CCDC191: variants seen among roughly 807,000 people sequenced by gnomAD.
The protein encoded by CCDC191 is coiled-coil domain containing 191, also known as coiled-coil domain-containing protein 191.
CCDC191 carries 99 observed loss-of-function variants against 114.0 expected under a neutral mutation model. The observed-to-expected ratio is 0.87, with a 90% confidence interval of 0.74 to 1.03. CCDC191 has a LOEUF of 1.03. Among genes scored for constraint, CCDC191 ranks in the 50% least tolerant of loss-of-function variants. CCDC191 has a pLI of 0.00. For synonymous variants in CCDC191, 351 were observed against 376.0 expected, an observed-to-expected ratio of 0.93 and a Z score of 0.77; for missense variants, 973 against 1,087.0, an observed-to-expected ratio of 0.90 and a Z score of 1.47.
At chr3:114,053,809 A>G (rs1043601902) in intron 1 of CCDC191, among the ~76,000 whole-genome samples, 174 bp from the exon 2 acceptor site, 1 of 152,212 alleles carries the variant, frequency 6.6e-6, no homozygotes, top group African/African-American at 2.4e-5. Context: ...TAGCAGTATG[A>G]GGAGAAAACA....
At chr3:114,019,194 C>T (rs1303196729) in intron 7 of CCDC191, among the ~76,000 whole-genome samples, 1 of 152,182 alleles carries the variant, frequency 6.6e-6, no homozygotes, top group Non-Finnish European at 1.5e-5. Flanking sequence ...AGCTTGAAAA[C>T]TTGTTTCCAA....
intron 13 of CCDC191, among the ~76,000 whole-genome samples, chr3:113,983,482 C>CA (rs1274002459): frequency 6.6e-6 from 1 of 152,118 alleles, no homozygotes; most frequent in African/African-American, 2.4e-5. Context: ...ATGCCCCCGC[C>CA]AACTAGACAC....
intron 13 of CCDC191, chr3:113,984,322 G>A (rs2075279532): frequency 6.6e-6 from 1 of 152,038 alleles, no homozygotes; most frequent in African/African-American, 2.4e-5. Flanking sequence ...AAATAGAAGA[G>A]GTTAAGCAGA....
chr3:114,044,121 G>C lies in CCDC191; in HGVS notation c.272-1275C>G, dbSNP rs139891396. 2.1e-3 allele frequency among the ~76,000 whole-genome samples: 325 copies of C among 152,182 alleles called. 2 individuals are homozygous for C. Among genetic ancestry groups the C allele is most frequent in the Non-Finnish European group, 3.6e-3 (248 of 68,004 alleles). ...GGTCCAAGCTGAAGAAATAAATGTGGAAGTTTTCAGCACGCAGACTGTATT... is the reference window on the plus strand; with the variant it reads ...GGTCCAAGCTGAAGAAATAAATGTGCAAGTTTTCAGCACGCAGACTGTATT... On this transcript the variant is annotated intron_variant, in intron 3 of 16. Coordinates refer to ENST00000295878, the MANE Select transcript of CCDC191 (RefSeq NM_020817.2).
intron 5 of CCDC191, among the ~76,000 whole-genome samples, chr3:114,035,444 G>T (rs532137883): frequency 1.3e-5 from 2 of 152,318 alleles, no homozygotes; most frequent in South Asian, 4.2e-4. Context: ...ATTTAGGAAT[G>T]ATTTCTCACT....
At chr3:114,011,705 A>C in intron 8 of CCDC191, among the ~76,000 whole-genome samples, 1 of 152,206 alleles carries the variant, frequency 6.6e-6, no homozygotes, top group South Asian at 2.1e-4. Flanking sequence ...CACCTTCCTA[A>C]GGAAGAGCTC....
chr3:114,051,286 C>A (rs1371652950), intron 2 of CCDC191, among the ~76,000 whole-genome samples: 3 of 152,212 alleles, frequency 2.0e-5, no homozygotes, highest in East Asian at 3.8e-4. Flanking sequence ...CCTCTTCTAA[C>A]TTGAGTCCTT....
At chr3:113,992,119 AG>A (rs2107637927) in intron 13 of CCDC191, among the ~76,000 whole-genome samples, 1 of 152,344 alleles carries the variant, frequency 6.6e-6, no homozygotes, top group South Asian at 2.1e-4. Context: ...GTGGAAGTCC[AG>A]AAGTCCAGCA....
At chr3:114,021,371 C>CTGTA (rs1405978112) in intron 7 of CCDC191, among the ~76,000 whole-genome samples, 1 of 151,982 alleles carries the variant, frequency 6.6e-6, no homozygotes. Flanking sequence ...AGTGACAAAC[C>CTGTA]TGTATGGCAA....
intron 8 of CCDC191, among the ~76,000 whole-genome samples, chr3:114,012,013 A>G (rs1462489647): frequency 1.3e-5 from 2 of 152,228 alleles, no homozygotes; most frequent in African/African-American, 2.4e-5. Context: ...GGTGACTCAT[A>G]TAAGTTCTCC....
chr3:114,040,767 C>A (rs1445245206), intron 4 of CCDC191, among the ~76,000 whole-genome samples: 1 of 151,906 alleles, frequency 6.6e-6, no homozygotes, highest in Admixed American at 6.6e-5. Flanking sequence ...TAATTAAATG[C>A]ATTTATATTT....
chr3:114,008,273 A>G (rs894294857), intron 9 of CCDC191, among the ~76,000 whole-genome samples: 1 of 151,346 alleles, frequency 6.6e-6, no homozygotes, highest in Non-Finnish European at 1.5e-5. Context: ...TTGGGTCTCA[A>G]TGGAGACAAA....
intron 2 of CCDC191, 154 bp from the exon 3 acceptor site, chr3:114,046,886 C>T (rs979510549): frequency 1.0e-6 from 1 of 983,056 alleles, no homozygotes; most frequent in Non-Finnish European, 1.2e-6. Flanking sequence ...TAAACATCTA[C>T]CCCCAAATAT....
intron 7 of CCDC191, 40 bp from the exon 8 acceptor site, chr3:114,018,908 C>A (rs1219050923): frequency 1.3e-6 from 2 of 1,575,364 alleles, no homozygotes; most frequent in Non-Finnish European, 1.7e-6. Context: ...CCCATCAGCG[C>A]TAGTGTTTCT....
chr3:113,998,598 A>C (rs1221287214), intron 13 of CCDC191, among the ~76,000 whole-genome samples: 1 of 152,166 alleles, frequency 6.6e-6, no homozygotes, highest in African/African-American at 2.4e-5. Context: ...TGACCTGACT[A>C]AAGGCACTGC....
At chr3:114,054,498 G>A (rs1423337163) in intron 1 of CCDC191, among the ~76,000 whole-genome samples, 11 of 152,078 alleles carry the variant, frequency 7.2e-5, no homozygotes, top group African/African-American at 1.7e-4. Context: ...TTAACCAGGC[G>A]TGGTGGCGGG....
chr3:114,048,636 A>C (rs1202902980), intron 2 of CCDC191, among the ~76,000 whole-genome samples: 1 of 152,094 alleles, frequency 6.6e-6, no homozygotes, highest in African/African-American at 2.4e-5. Context: ...CTTTGCTCAA[A>C]TGTCACCTTC....
chr3:114,016,448 C>T (rs2076159822), intron 8 of CCDC191, among the ~76,000 whole-genome samples: 1 of 152,176 alleles, frequency 6.6e-6, no homozygotes, highest in African/African-American at 2.4e-5. Flanking sequence ...CTGGGCCTTA[C>T]TTTTATCATC....
intron 13 of CCDC191, among the ~76,000 whole-genome samples, chr3:113,983,503 G>A (rs563176269): frequency 6.6e-6 from 1 of 152,212 alleles, no homozygotes; most frequent in Non-Finnish European, 1.5e-5. Flanking sequence ...TGTGGAGGCC[G>A]CCTCAGCATC....
Sources: allele counts gnomAD v4.1 joint callset (sites outside exome capture counted in the v4.1 genomes callset), GRCh38; gene constraint gnomAD v4.1.1; transcripts MANE v1.5; gene names NCBI Gene and HGNC (gene_info 2026-07-23, HGNC 2026-07-21).